The following KIAA1549L variants were observed in gnomAD, a reference collection of about 807,000 sequenced individuals.
KIAA1549L encodes the protein KIAA1549 like, also known as UPF0606 protein KIAA1549L.
In KIAA1549L, 88 loss-of-function variants were observed where a neutral mutation model predicts 160.7. That is an observed-to-expected ratio of 0.55 (90% CI 0.46 to 0.65). The LOEUF (loss-of-function observed/expected upper bound fraction) is 0.65. KIAA1549L is among the 30% of genes least tolerant of loss of function. The pLI, the probability that KIAA1549L is intolerant of heterozygous loss-of-function variation, is 0.00. For synonymous variants in KIAA1549L, 950 were observed against 976.7 expected, an observed-to-expected ratio of 0.97 and a Z score of 0.51; for missense variants, 2,258 against 2,437.5, an observed-to-expected ratio of 0.93 and a Z score of 1.55.
rs1188231440 is a variant in KIAA1549L at position 33,618,522 on chromosome 11, A to G, written c.5280-11A>G. 1.3e-6 allele frequency: 2 copies of G among 1,598,176 alleles called. No individual in the cohort carries two copies. The highest frequency in any genetic ancestry group is 1.7e-6 in the Non-Finnish European group (2 of 1,168,984). ...TTTGCTGCATCATAACAGTTGTTGA[A>G]TTTTCTTCAGGCAACAGATGAAGAA... On this transcript the variant is annotated splice_polypyrimidine_tract_variant and intron_variant, in intron 15 of 20. Coordinates refer to ENST00000658780, the MANE Select transcript of KIAA1549L (RefSeq NM_012194.3).
chr11:33,479,058 TG>T (rs1284340470), intron 1 of KIAA1549L, among the ~76,000 whole-genome samples: 8 of 151,518 alleles, frequency 5.3e-5, no homozygotes, highest in African/African-American at 1.9e-4. Flanking sequence ...AAGACATATA[TG>T]GGATATATAC....
chr11:33,632,506 G>A (rs937385983), intron 16 of KIAA1549L, among the ~76,000 whole-genome samples: 2 of 152,164 alleles, frequency 1.3e-5, no homozygotes, highest in African/African-American at 4.8e-5. Context: ...TGAAACACAG[G>A]GAGAGAAGGA....
chr11:33,408,489 G>GTGTGTATATA (rs34208718), intron 1 of KIAA1549L, among the ~76,000 whole-genome samples: 11 of 123,064 alleles, frequency 8.9e-5, no homozygotes, highest in African/African-American at 2.9e-4. Flanking sequence ...CTGTATATGT[G>GTGTGTATATA]TATATATATA....
intron 1 of KIAA1549L, among the ~76,000 whole-genome samples, chr11:33,393,581 T>G (rs995176275): frequency 6.6e-6 from 1 of 152,218 alleles, no homozygotes; most frequent in African/African-American, 2.4e-5. Flanking sequence ...AAGTACCTAG[T>G]GGGACAACTT....
At chr11:33,534,904 G>A (rs929335477) in intron 1 of KIAA1549L, among the ~76,000 whole-genome samples, 6 of 152,052 alleles carry the variant, frequency 3.9e-5, no homozygotes, top group Admixed American at 1.3e-4. Flanking sequence ...CTTCCTACCT[G>A]TATTAGTTTT....
chr11:33,479,508 C>T (rs1371403264), intron 1 of KIAA1549L, among the ~76,000 whole-genome samples: 6 of 152,044 alleles, frequency 3.9e-5, no homozygotes, highest in African/African-American at 1.4e-4. Flanking sequence ...ACAAGCTGGC[C>T]CTTGAAGTGG....
At chr11:33,428,696 A>G (rs1397400010) in intron 1 of KIAA1549L, among the ~76,000 whole-genome samples, 1 of 152,158 alleles carries the variant, frequency 6.6e-6, no homozygotes, top group Non-Finnish European at 1.5e-5. Context: ...AACCCAGTCT[A>G]TCATTTATGG....
intron 16 of KIAA1549L, among the ~76,000 whole-genome samples, chr11:33,638,149 A>ACAC (rs1851486231): frequency 6.6e-6 from 1 of 152,212 alleles, no homozygotes. Flanking sequence ...GGTTGTTAGT[A>ACAC]CACAATGTGA....
intron 1 of KIAA1549L, among the ~76,000 whole-genome samples, chr11:33,512,146 A>T (rs1470546365): frequency 1.3e-5 from 2 of 152,174 alleles, no homozygotes; most frequent in Non-Finnish European, 2.9e-5. Flanking sequence ...CAGTGGCCAG[A>T]TTGTTGATTA....
chr11:33,487,606 G>A (rs549301066), intron 1 of KIAA1549L, among the ~76,000 whole-genome samples: 41 of 152,012 alleles, frequency 2.7e-4, no homozygotes, highest in Non-Finnish European at 4.3e-4. Flanking sequence ...ACATCGATTC[G>A]TACTGTGAAT....
At chr11:33,550,733 T>G (rs1455236968) in intron 4 of KIAA1549L, among the ~76,000 whole-genome samples, 3 of 152,176 alleles carry the variant, frequency 2.0e-5, no homozygotes, top group Non-Finnish European at 4.4e-5. Context: ...AACTACTCTC[T>G]CCTCCCTACC....
chr11:33,542,745 T>C lies in KIAA1549L; in HGVS notation c.1182T>C (p.Pro394=). ...CCCAGCAGATCAAAGCTGGGGTGCC[T>C]GGAAGAGTGCACAATGGGGTGTCTT... ...ASTQQIKAGV[P]GRVHNGVSLP... is the part of the protein sequence containing the mutation. The change falls in exon 2 of 21, where the codon CCT becomes CCC. Residue 394 remains proline, a synonymous_variant. Transcript: ENST00000658780. 1 of 1,613,964 alleles carries C rather than the reference T, an allele frequency of 6.2e-7. No individual in the cohort carries two copies. The highest frequency in any genetic ancestry group is 8.5e-7 in the Non-Finnish European group (1 of 1,179,862).
chr11:33,633,537 C>T (rs912662725), intron 16 of KIAA1549L, among the ~76,000 whole-genome samples: 43 of 152,194 alleles, frequency 2.8e-4, no homozygotes, highest in Middle Eastern at 3.4e-3. Context: ...TGGAATAGTG[C>T]TAACTCACGG....
intron 1 of KIAA1549L, among the ~76,000 whole-genome samples, chr11:33,530,479 A>G (rs1853743325): frequency 8.2e-6 from 1 of 122,262 alleles, no homozygotes; most frequent in African/African-American, 3.0e-5. Flanking sequence ...ATATATATAT[A>G]TATATGCAAG....
intron 3 of KIAA1549L, among the ~76,000 whole-genome samples, chr11:33,546,818 C>T (rs1050874284): frequency 6.6e-6 from 1 of 152,216 alleles, no homozygotes; most frequent in Non-Finnish European, 1.5e-5. Context: ...TTGTCCTACT[C>T]ATGCATACCT....
At chr11:33,572,902 T>C (rs920682984) in intron 9 of KIAA1549L, among the ~76,000 whole-genome samples, 1 of 152,238 alleles carries the variant, frequency 6.6e-6, no homozygotes, top group African/African-American at 2.4e-5. Context: ...TTGCACCATT[T>C]GCACTCCCAC....
At chr11:33,425,979 T>G (rs1851107583) in intron 1 of KIAA1549L, among the ~76,000 whole-genome samples, 1 of 152,060 alleles carries the variant, frequency 6.6e-6, no homozygotes, top group African/African-American at 2.4e-5. Flanking sequence ...GATGGCAAGG[T>G]CATGAAAGAC....
At chr11:33,489,259 C>T (rs1034732021) in intron 1 of KIAA1549L, among the ~76,000 whole-genome samples, 6 of 152,174 alleles carry the variant, frequency 3.9e-5, no homozygotes, top group African/African-American at 1.4e-4. Flanking sequence ...TCGCTCCCCA[C>T]CTTATAGATC....
At position 33,448,657 on chromosome 11, in the gene KIAA1549L, T is replaced by G. The variant is rs201930949; in HGVS notation, c.238+71768T>G. 1.7e-4 allele frequency among the ~76,000 whole-genome samples: 26 copies of G among 152,338 alleles called. No homozygotes were observed. In the East Asian group the frequency reaches 4.6e-3, roughly 27 times the overall value. On this transcript the variant is annotated intron_variant, in intron 1 of 20. Transcript: ENST00000658780. ...TGATATTCCCAGTGTTCTTCCTCAG[T>G]GCGGGAACGCTGGCATGCCAGAAAG...
Sources: gnomAD v4.1 joint callset for allele counts (sites outside exome capture counted in the v4.1 genomes callset) on GRCh38, gnomAD v4.1.1 for gene constraint, MANE v1.5 for transcripts, NCBI Gene and HGNC (gene_info 2026-07-23, HGNC 2026-07-21) for gene names.